Variants in AGBL1 observed in about 807,000 individuals in gnomAD.
AGBL1 encodes the protein AGBL carboxypeptidase 1.
AGBL1 carries 130 observed loss-of-function variants against 118.9 expected under a neutral mutation model. The observed-to-expected ratio is 1.09, with a 90% CI of 0.95 to 1.26. The LOEUF is 1.26. Among genes scored for constraint, AGBL1 ranks in the 50% most tolerant of loss-of-function variants. AGBL1 has a pLI of 0.00. For synonymous variants in AGBL1, 555 were observed against 478.9 expected (o/e 1.16, Z -2.08); for missense variants, 1,584 against 1,298.1 (o/e 1.22, Z -3.38).
At chr15:86,727,795 A>C (rs1033724064) in intron 22 of AGBL1, among the ~76,000 whole-genome samples, 1 of 152,198 alleles carries the variant, frequency 6.6e-6, no homozygotes, top group Non-Finnish European at 1.5e-5. Context: ...AAATCCCACA[A>C]ATCATTTTGT....
At chr15:86,884,851 T>C (rs755907364) in intron 22 of AGBL1, among the ~76,000 whole-genome samples, 1 of 152,108 alleles carries the variant, frequency 6.6e-6, no homozygotes, top group Non-Finnish European at 1.5e-5. Context: ...TTGAGTAAAA[T>C]GAGGTAATTT....
At position 86,266,983 on chromosome 15, in the gene AGBL1, A is replaced by T. The variant is rs747357658; in HGVS notation, c.1752-7A>T. 136 of 1,561,106 alleles carry T rather than the reference A, an allele frequency of 8.7e-5. No individual in the cohort carries two copies. The highest frequency in any genetic ancestry group is 1.1e-4 in the Non-Finnish European group (132 of 1,150,114). On this transcript the variant is annotated splice_region_variant and splice_polypyrimidine_tract_variant and intron_variant, in intron 12 of 22. Coordinates refer to ENST00000614907, the MANE Select transcript of AGBL1 (RefSeq NM_001386094.1). ...CATATGTTCACATGTTCCTTATTTC[A>T]TTGTAGGCCTTTGCAAGACAATGCT...
intron 1 of AGBL1, among the ~76,000 whole-genome samples, chr15:86,103,296 C>T (rs1406460648): frequency 6.6e-6 from 1 of 152,148 alleles, no homozygotes; most frequent in Non-Finnish European, 1.5e-5. Flanking sequence ...TGAAAAATCA[C>T]TGAGCTTCTT....
At chr15:86,987,992 A>T in exon 24 of AGBL1, 2 of 1,613,510 alleles carry the variant, frequency 1.2e-6, no homozygotes, top group South Asian at 2.2e-5. Flanking sequence ...TACAGATTAA[A>T]ATCATCCAAT....
intron 18 of AGBL1, among the ~76,000 whole-genome samples, chr15:86,420,515 G>A (rs2081772736): frequency 6.6e-6 from 1 of 152,156 alleles, no homozygotes; most frequent in South Asian, 2.1e-4. Context: ...GAGGAAAAAT[G>A]TCCAAAAATG....
At chr15:86,601,587 T>G (rs1257405450) in intron 21 of AGBL1, among the ~76,000 whole-genome samples, 3 of 152,162 alleles carry the variant, frequency 2.0e-5, no homozygotes, top group Non-Finnish European at 4.4e-5. Flanking sequence ...TAAGGTTCTT[T>G]CTGTTTCTGA....
chr15:86,203,813 T>C (rs966127036), intron 5 of AGBL1, among the ~76,000 whole-genome samples: 1 of 152,198 alleles, frequency 6.6e-6, no homozygotes, highest in African/African-American at 2.4e-5. Context: ...GAAATGAATT[T>C]ATGTTACTAT....
At chr15:86,807,791 C>G (rs1444781825) in intron 22 of AGBL1, among the ~76,000 whole-genome samples, 1 of 152,086 alleles carries the variant, frequency 6.6e-6, no homozygotes, top group Non-Finnish European at 1.5e-5. Context: ...ATAGGGAAAA[C>G]AAATCCTGAC....
chr15:86,573,216 C>T (rs1596279447), intron 21 of AGBL1, among the ~76,000 whole-genome samples: 1 of 152,316 alleles, frequency 6.6e-6, no homozygotes, highest in Middle Eastern at 3.4e-3. Flanking sequence ...CATCTACATT[C>T]TTCATTCATT....
chr15:86,889,651 G>T lies in AGBL1; in HGVS notation c.3159-17436G>T, dbSNP rs377006757. The stretch of plus-strand genomic sequence containing the variant: ...TATAAGTGAGAACATGTGGTGTTTG[G>T]TTTTCTGTTCCTGTATTAGTTTGCT... On this transcript the variant is annotated intron_variant, in intron 22 of 22. Coordinates refer to ENST00000614907, the MANE Select transcript of AGBL1 (RefSeq NM_001386094.1). Among the ~76,000 whole-genome samples the T allele has an allele frequency of 1.1e-4, 16 of 152,180 alleles. No homozygotes were observed. In the South Asian group the frequency reaches 1.2e-3, roughly 12 times the overall value.
At chr15:86,801,605 A>G (rs1481738733) in intron 22 of AGBL1, among the ~76,000 whole-genome samples, 1 of 152,072 alleles carries the variant, frequency 6.6e-6, no homozygotes, top group Non-Finnish European at 1.5e-5. Flanking sequence ...ATCTGTCTGT[A>G]TCTGTGTGTA....
chr15:86,899,555 G>C (rs973298132), intron 22 of AGBL1, among the ~76,000 whole-genome samples: 6 of 152,034 alleles, frequency 3.9e-5, no homozygotes, highest in African/African-American at 1.2e-4. Flanking sequence ...AAAGTAGCTT[G>C]AAATTCTTTA....
rs1031315740 is a variant in AGBL1, at chr15:86,908,451, A to G, written c.*1157A>G. On this transcript the variant is annotated 3_prime_UTR_variant, in exon 23 of 23. Coordinates refer to ENST00000614907, the MANE Select transcript of AGBL1 (RefSeq NM_001386094.1). ...TTGAACTTGGGAGGTGGAGGTTGCC[A>G]TGAGCCGAGATTGCACCACTGCATT... The G allele has an allele frequency of 2.6e-5, 4 of 152,130 alleles. No homozygotes were observed. Among genetic ancestry groups the G allele is most frequent in the Admixed American group, 6.6e-5 (1 of 15,254 alleles). 9.4% of individuals were successfully genotyped at this position (152,130 alleles called of 1,614,324 possible). A position where few individuals can be genotyped will look rare whatever the true frequency, so the allele number is the denominator to read the frequency against.
chr15:86,465,340 C>G (rs2082388586), intron 18 of AGBL1, among the ~76,000 whole-genome samples: 1 of 152,054 alleles, frequency 6.6e-6, no homozygotes, highest in Non-Finnish European at 1.5e-5. Context: ...CACCTCAGGA[C>G]CCTGTGATGA....
intron 22 of AGBL1, among the ~76,000 whole-genome samples, chr15:86,751,993 C>A (rs73445227): frequency 6.6e-6 from 1 of 152,044 alleles, no homozygotes; most frequent in Admixed American, 6.6e-5. Context: ...CTGGAATGAT[C>A]TTTAGTAGGG....
intron 20 of AGBL1, 104 bp from the exon 21 acceptor site, chr15:86,554,257 G>T: frequency 1.0e-6 from 1 of 991,358 alleles, no homozygotes; most frequent in Non-Finnish European, 1.4e-6. Flanking sequence ...AAAGTAACGA[G>T]TATTTTATAT....
At chr15:86,841,899 C>G (rs1424851279) in intron 22 of AGBL1, among the ~76,000 whole-genome samples, 1 of 152,104 alleles carries the variant, frequency 6.6e-6, no homozygotes, top group Admixed American at 6.6e-5. Flanking sequence ...AATACCAGCT[C>G]TACCACTTAT....
intron 23 of AGBL1, among the ~76,000 whole-genome samples, chr15:86,953,509 G>A (rs960333273): frequency 6.6e-6 from 1 of 151,132 alleles, no homozygotes; most frequent in Non-Finnish European, 1.5e-5. Context: ...TCCCACCTCA[G>A]CCTCCCAAGT....
chr15:86,521,227 G>T, intron 18 of AGBL1, among the ~76,000 whole-genome samples: 1 of 152,164 alleles, frequency 6.6e-6, no homozygotes, highest in East Asian at 1.9e-4. Context: ...AGTGGTAAAA[G>T]GAGAAGACTG....
Sources: gnomAD v4.1 joint callset for allele counts (sites outside exome capture counted in the v4.1 genomes callset) on GRCh38, gnomAD v4.1.1 for gene constraint, MANE v1.5 for transcripts, NCBI Gene and HGNC (gene_info 2026-07-23, HGNC 2026-07-21) for gene names.